Variants in GRM4 observed in about 807,000 individuals in gnomAD.
GRM4 encodes the protein metabotropic glutamate receptor 4.
In GRM4, 28 loss-of-function variants were observed where a neutral mutation model predicts 81.7. The ratio of observed to expected loss-of-function variants is 0.34; its 90% CI spans 0.25 to 0.47. GRM4 has a LOEUF of 0.47. Among genes scored for constraint, GRM4 ranks in the 20% least tolerant of loss-of-function variants. GRM4 has a pLI of 1.00. For missense variants in GRM4, 948 were observed against 1,290.0 expected, an observed-to-expected ratio of 0.73 and a Z score of 4.06; for synonymous variants, 488 against 528.8, an observed-to-expected ratio of 0.92 and a Z score of 1.06.
At chr6:34,142,741 G>A (rs745361332) in intron 1 of GRM4, among the ~76,000 whole-genome samples, 1 of 152,194 alleles carries the variant, frequency 6.6e-6, no homozygotes, top group Non-Finnish European at 1.5e-5. Flanking sequence ...GCTGCCTGCC[G>A]CTGTGCAAGG....
rs1411461823 is a variant in GRM4 at position 34,091,975 on chromosome 6, G to C, written c.644C>G (p.Ala215Gly). ...QAQAMVDIVR[A>G]LKWNYVSTVA... is the part of the protein sequence containing the mutation. ...TGTGGACACATAGTTCCACTTGAGG[G>C]CACGGACGATGTCCACCATGGCCTG... The change falls in exon 3 of 11, where the codon GCC becomes GGC. Residue 215 changes from alanine to glycine, a missense_variant. Physicochemically the swap from Ala to Gly is moderately conservative, Grantham distance 60. Coordinates refer to ENST00000538487, the MANE Select transcript of GRM4 (RefSeq NM_000841.4). 1.2e-6 allele frequency: 2 copies of C among 1,613,950 alleles called. No homozygotes were observed. Among genetic ancestry groups the C allele is most frequent in the Admixed American group, 1.7e-5 (1 of 60,012 alleles).
At chr6:34,037,042 G>A (rs1764749095) in intron 8 of GRM4, among the ~76,000 whole-genome samples, 1 of 152,164 alleles carries the variant, frequency 6.6e-6, no homozygotes, top group Non-Finnish European at 1.5e-5. Flanking sequence ...CCCCATCCCA[G>A]ACCTACTAAC....
At chr6:34,125,440 G>A (rs1450860225) in intron 2 of GRM4, among the ~76,000 whole-genome samples, 1 of 152,140 alleles carries the variant, frequency 6.6e-6, no homozygotes, top group Admixed American at 6.5e-5. Context: ...TGGGTCAGTG[G>A]CCAGCTGAGG....
At chr6:34,079,777 G>C (rs1295485986) in intron 3 of GRM4, among the ~76,000 whole-genome samples, 1 of 152,138 alleles carries the variant, frequency 6.6e-6, no homozygotes, top group Non-Finnish European at 1.5e-5. Context: ...AGCAAGGCTG[G>C]TGGGCCCAGA....
chr6:34,071,454 TCACCACA>T (rs1766837088), intron 3 of GRM4, among the ~76,000 whole-genome samples: 4 of 15,446 alleles, frequency 2.6e-4, no homozygotes, highest in Non-Finnish European at 5.0e-4. Context: ...CACACACACA[TCACCACA>T]GAGATACACA....
At chr6:34,107,871 C>G (rs1375960374) in intron 2 of GRM4, among the ~76,000 whole-genome samples, 1 of 152,184 alleles carries the variant, frequency 6.6e-6, no homozygotes, top group African/African-American at 2.4e-5. Flanking sequence ...TCCCTCAAAC[C>G]CTCTGGCTCC....
Position 34,069,110 on chromosome 6 carries a change from G to A in GRM4, c.737-7082C>T. Among the ~76,000 whole-genome samples the A allele has an allele frequency of 6.6e-6, 1 of 151,648 alleles. No homozygotes were observed. Among genetic ancestry groups the A allele is most frequent in the Non-Finnish European group, 1.5e-5 (1 of 67,942 alleles). On this transcript the variant is annotated intron_variant, in intron 3 of 10. Coordinates refer to ENST00000538487, the MANE Select transcript of GRM4 (RefSeq NM_000841.4). This position sits in a 1 kb window ranked among gnomAD's most constrained non-coding sequence, Gnocchi z 6.4. Reference sequence around the variant, plus strand: ...GAGCAGGTCCCCCCGGCTCCCATAGGGGAGGACAGAGGGGAGGACAGGGGC... The same window carrying A: ...GAGCAGGTCCCCCCGGCTCCCATAGAGGAGGACAGAGGGGAGGACAGGGGC...
chr6:34,058,209 C>A (rs950039110), intron 5 of GRM4, among the ~76,000 whole-genome samples: 2 of 152,078 alleles, frequency 1.3e-5, no homozygotes, highest in Non-Finnish European at 2.9e-5. Flanking sequence ...GACATGGTAG[C>A]CATGGGCCTC....
chr6:34,120,969 G>A (rs1437799941), intron 2 of GRM4, among the ~76,000 whole-genome samples: 1 of 152,166 alleles, frequency 6.6e-6, no homozygotes, highest in East Asian at 1.9e-4. Context: ...CTTGGGTACA[G>A]GCTAATTCAT....
chr6:34,088,953 C>G (rs1286218183), intron 3 of GRM4, among the ~76,000 whole-genome samples: 1 of 152,184 alleles, frequency 6.6e-6, no homozygotes, highest in African/African-American at 2.4e-5. Flanking sequence ...ACTCCATGTG[C>G]CACCTACAGG....
intron 1 of GRM4, among the ~76,000 whole-genome samples, chr6:34,145,561 T>TGAGAGCGAGCTA (rs1177732118): frequency 1.3e-5 from 2 of 151,206 alleles, no homozygotes; most frequent in Non-Finnish European, 2.9e-5. Context: ...GGAAAAAAAA[T>TGAGAGCGAGCTA]GAGAGCGAGC....
intron 6 of GRM4, among the ~76,000 whole-genome samples, chr6:34,053,235 G>A (rs1765696811): frequency 6.6e-6 from 1 of 152,156 alleles, no homozygotes; most frequent in Non-Finnish European, 1.5e-5. Context: ...AGGAGGCAGA[G>A]CCAGACTCAG....
At chr6:34,153,743 A>G (rs1210332782) in intron 1 of GRM4, among the ~76,000 whole-genome samples, 2 of 152,144 alleles carry the variant, frequency 1.3e-5, no homozygotes, top group Non-Finnish European at 2.9e-5. Context: ...AAAGTTAGCC[A>G]GGTGTGAACC....
At chr6:34,097,272 G>A (rs907098833) in intron 2 of GRM4, among the ~76,000 whole-genome samples, 1 of 152,118 alleles carries the variant, frequency 6.6e-6, no homozygotes, top group Non-Finnish European at 1.5e-5. Flanking sequence ...GACCCCAGCA[G>A]GGAGGGGTAT....
Position 34,068,163 on chromosome 6 carries a change from G to C in GRM4, c.737-6135C>G, listed in dbSNP as rs574603499. ...ATGACGTGCTGGAGGGAGACGGGGG[G>C]GCTGCATCCCCTCAGCCCACCTGGA... On this transcript the variant is annotated intron_variant, in intron 3 of 10. Coordinates refer to ENST00000538487, the MANE Select transcript of GRM4 (RefSeq NM_000841.4). The surrounding 1 kb of genome is among the most constrained non-coding windows in gnomAD (Gnocchi z 4.2). Among the ~76,000 whole-genome samples, 17 of 152,160 alleles carry C rather than the reference G, an allele frequency of 1.1e-4. No individual in the cohort carries two copies. Among genetic ancestry groups the C allele is most frequent in the Admixed American group, 2.0e-4 (3 of 15,278 alleles).
rs1000186514 is a variant in GRM4 at position 34,090,453 on chromosome 6, G to A, written c.736+1430C>T. Among the ~76,000 whole-genome samples, 1 of 152,156 alleles carries A rather than the reference G, an allele frequency of 6.6e-6. No individual in the cohort carries two copies. The highest frequency in any genetic ancestry group is 1.5e-5 in the Non-Finnish European group (1 of 68,012). ...AGGAAAGGACATGTGGGTGGCCCAA[G>A]GGAGGGGCTGGGCTCTGGGGCTCGG... On this transcript the variant is annotated intron_variant, in intron 3 of 10. Coordinates refer to ENST00000538487, the MANE Select transcript of GRM4 (RefSeq NM_000841.4). This position sits in a 1 kb window ranked among gnomAD's most constrained non-coding sequence, Gnocchi z 5.2.
At chr6:34,105,239 A>G (rs185810662) in intron 2 of GRM4, among the ~76,000 whole-genome samples, 6 of 152,324 alleles carry the variant, frequency 3.9e-5, no homozygotes, top group East Asian at 1.9e-4. Context: ...GGCAGCCCCA[A>G]GCTGGCAGAG....
In GRM4 at chr6:34,074,333, G is replaced by A. The variant is rs1217602815; in HGVS notation, c.737-12305C>T. 4.6e-5 allele frequency among the ~76,000 whole-genome samples: 7 copies of A among 152,230 alleles called. No homozygotes were observed. The highest frequency in any genetic ancestry group is 2.0e-4 in the Admixed American group (3 of 15,288). On this transcript the variant is annotated intron_variant, in intron 3 of 10. Coordinates refer to ENST00000538487, the MANE Select transcript of GRM4 (RefSeq NM_000841.4). The surrounding 1 kb of genome is among the most constrained non-coding windows in gnomAD (Gnocchi z 4.9). ...TGTCCCCGAGACATAGCAGGGTTGC[G>A]GTGAGGATTAGAGCGGATTGCCCGT...
At position 34,127,524 on chromosome 6, in the gene GRM4, G is replaced by T. The variant is rs574779545; in HGVS notation, c.519+5454C>A. On this transcript the variant is annotated intron_variant, in intron 2 of 10. Transcript: ENST00000538487. ...CATTTTAATCTAAGAGCAACGGGAAGCCAATAAAAGGTTTAAGCAGAGGGT... is the reference window on the plus strand; with the variant it reads ...CATTTTAATCTAAGAGCAACGGGAATCCAATAAAAGGTTTAAGCAGAGGGT... Among the ~76,000 whole-genome samples the T allele has an allele frequency of 5.9e-5, 9 of 152,338 alleles. 1 individual carries two copies. Among genetic ancestry groups the T allele is most frequent in the African/African-American group, 2.2e-4 (9 of 41,572 alleles).
Sources: gnomAD v4.1 joint callset for allele counts (sites outside exome capture counted in the v4.1 genomes callset) on GRCh38, gnomAD v4.1.1 for gene constraint, Gnocchi (gnomAD v3.1) non-coding constraint, MANE v1.5 for transcripts, NCBI Gene and HGNC (gene_info 2026-07-23, HGNC 2026-07-21) for gene names.